FNDC1: variants seen among roughly 807,000 people sequenced by gnomAD.
FNDC1 encodes fibronectin type III domain containing 1.
Under a neutral mutation model 168.0 loss-of-function variants are expected in FNDC1, and 96 were observed. The ratio of observed to expected loss-of-function variants is 0.57; its 90% CI spans 0.48 to 0.68. FNDC1 has a LOEUF of 0.68. Among genes scored for constraint, FNDC1 ranks in the 30% least tolerant of loss-of-function variants. The pLI is 0.00. For synonymous variants in FNDC1, 1,099 were observed against 1,025.9 expected (o/e 1.07, Z -1.36); for missense variants, 2,587 against 2,482.1 (o/e 1.04, Z -0.90).
chr6:159,170,914 C>CT (rs1691962488), intron 1 of FNDC1, among the ~76,000 whole-genome samples: 1 of 152,182 alleles, frequency 6.6e-6, no homozygotes, highest in Non-Finnish European at 1.5e-5. Context: ...AGTCTTCCAA[C>CT]TTCCCCACCT....
At chr6:159,257,282 A>G (rs946525020) in intron 18 of FNDC1, among the ~76,000 whole-genome samples, 1 of 152,212 alleles carries the variant, frequency 6.6e-6, no homozygotes, top group African/African-American at 2.4e-5. Flanking sequence ...ATGGGAAAGC[A>G]CCAAGCACTT....
chr6:159,268,063 TAAATA>T (rs1583927341), intron 22 of FNDC1, 137 bp downstream of exon 22: 1 of 903,310 alleles, frequency 1.1e-6, no homozygotes, highest in South Asian at 1.6e-5. Flanking sequence ...GTCATAAAAA[TAAATA>T]AAATAAAGAA....
Position 159,169,766 on chromosome 6 carries a change from G to T in FNDC1, c.109+61G>T. On this transcript the variant is annotated intron_variant, in intron 1 of 22. Coordinates refer to ENST00000297267, the MANE Select transcript of FNDC1 (RefSeq NM_032532.3). This position sits in a 1 kb window ranked among gnomAD's most constrained non-coding sequence, Gnocchi z 6.8. The stretch of plus-strand genomic sequence containing the variant: ...CTCCCCGCGCACCCTCCTGCGCTCG[G>T]GCCCCGTCGTCCCGCTCAGTGCTGG... The T allele has an allele frequency of 1.5e-6, 1 of 658,426 alleles. No individual in the cohort carries two copies. Among genetic ancestry groups the T allele is most frequent in the Non-Finnish European group, 2.0e-6 (1 of 494,168 alleles). The allele number at this position is 658,426 out of a possible 1,614,324, so 40.8% of individuals were successfully genotyped here.
Position 159,266,066 on chromosome 6 carries a change from G to A in FNDC1, c.5285-18G>A, listed in dbSNP as rs529209136. The A allele has an allele frequency of 1.9e-5, 30 of 1,612,750 alleles. No individual in the cohort carries two copies. In the South Asian group the frequency reaches 3.1e-4, roughly 17 times the overall value. On this transcript the variant is annotated intron_variant, in intron 20 of 22. Coordinates refer to ENST00000297267, the MANE Select transcript of FNDC1 (RefSeq NM_032532.3). ...TGTGGAGTGCTTACCCTTAGCAGGT[G>A]TGTTTTGTGTTGTCAAGGCGGTGAG...
rs766589922 is a variant in FNDC1 at position 159,236,245 on chromosome 6, A to G, written c.3998A>G (p.Lys1333Arg). 41 of 1,613,612 alleles carry G rather than the reference A, an allele frequency of 2.5e-5. No individual in the cohort carries two copies. The highest frequency in any genetic ancestry group is 3.3e-5 in the Non-Finnish European group (39 of 1,179,710). ...GYNGRPNVEG[K>R]VLPGSNGKPN... is the part of the protein sequence containing the mutation. The stretch of plus-strand genomic sequence containing the variant: ...AATGGCAGACCAAATGTAGAAGGGA[A>G]AGTCCTTCCTGGTAGTAATGGAAAA... The change falls in exon 12 of 23, where the codon AAA becomes AGA. Residue 1333 changes from lysine to arginine, a missense_variant. Lys to Arg is a conservative substitution (Grantham distance 26). Coordinates refer to ENST00000297267, the MANE Select transcript of FNDC1 (RefSeq NM_032532.3).
chr6:159,184,348 A>AT (rs911117636), intron 1 of FNDC1, among the ~76,000 whole-genome samples: 7 of 152,080 alleles, frequency 4.6e-5, no homozygotes, highest in African/African-American at 1.4e-4. Context: ...TTCCTTAAAT[A>AT]TTTTTTTCTA....
At position 159,232,542 on chromosome 6, in the gene FNDC1, C is replaced by T. The variant is rs777678899; in HGVS notation, c.2030C>T (p.Pro677Leu). 4.3e-6 allele frequency: 7 copies of T among 1,612,360 alleles called. No homozygotes were observed. The South Asian group carries it at 5.5e-5, about 13-fold the overall frequency. ...GCCCTGTCCCCCAGCCGCCAGTCCCCGTCCAGCGTTCTCCGCGACAGAAGC... is the reference window on the plus strand; with the variant it reads ...GCCCTGTCCCCCAGCCGCCAGTCCCTGTCCAGCGTTCTCCGCGACAGAAGC... ...RPALSPSRQS[P>L]SSVLRDRSSV... The change falls in exon 11 of 23, where the codon CCG (proline) becomes CTG (leucine). Residue 677 changes from proline to leucine, a missense_variant. By Grantham distance (98) the Pro-to-Leu change is moderately conservative (BLOSUM62 -3). Transcript: ENST00000297267. This position sits in a 1 kb window ranked among gnomAD's most constrained non-coding sequence, Gnocchi z 4.9.
intron 5 of FNDC1, among the ~76,000 whole-genome samples, chr6:159,220,403 T>G (rs1004242959): frequency 6.6e-6 from 1 of 152,208 alleles, no homozygotes; most frequent in Non-Finnish European, 1.5e-5. Flanking sequence ...ATATTATAAC[T>G]ATTGGCACTA....
intron 14 of FNDC1, among the ~76,000 whole-genome samples, chr6:159,246,684 G>T (rs527718565): frequency 3.3e-5 from 5 of 152,330 alleles, no homozygotes; most frequent in African/African-American, 9.6e-5. Context: ...GCAGGCATTT[G>T]TATCGCCCTT....
At chr6:159,173,976 C>T (rs929347860) in intron 1 of FNDC1, among the ~76,000 whole-genome samples, 1 of 152,200 alleles carries the variant, frequency 6.6e-6, no homozygotes, top group Non-Finnish European at 1.5e-5. Context: ...GAGGCTCCAT[C>T]ACCCTTGGCT....
rs2114907893 is a variant in FNDC1 at position 159,169,801 on chromosome 6, G to T, written c.109+96G>T. 8.1e-6 allele frequency: 3 copies of T among 370,552 alleles called. No homozygotes were observed. Among genetic ancestry groups the T allele is most frequent in the Non-Finnish European group, 8.1e-6 (2 of 246,636 alleles). 23.0% of individuals were successfully genotyped at this position (370,552 alleles called of 1,614,324 possible). On this transcript the variant is annotated intron_variant, in intron 1 of 22. Coordinates refer to ENST00000297267, the MANE Select transcript of FNDC1 (RefSeq NM_032532.3). The surrounding 1 kb of genome is among the most constrained non-coding windows in gnomAD (Gnocchi z 6.8). Reference sequence around the variant, plus strand: ...TCCCGCTCAGTGCTGGCTACGGGTCGTGTCACTAGCCTGTGCGTCCTCGTC... The same window carrying T: ...TCCCGCTCAGTGCTGGCTACGGGTCTTGTCACTAGCCTGTGCGTCCTCGTC...
At chr6:159,254,558 A>T (rs983929086) in intron 17 of FNDC1, among the ~76,000 whole-genome samples, 3 of 152,048 alleles carry the variant, frequency 2.0e-5, no homozygotes, top group Admixed American at 6.6e-5. Context: ...ATACAAAAAA[A>T]TTAGCTGGGC....
At chr6:159,220,100 T>C (rs1328985207) in intron 5 of FNDC1, among the ~76,000 whole-genome samples, 4 of 152,250 alleles carry the variant, frequency 2.6e-5, no homozygotes, top group African/African-American at 7.2e-5. Flanking sequence ...TTTACTCATT[T>C]ATGGCTAGAG....
intron 5 of FNDC1, among the ~76,000 whole-genome samples, chr6:159,219,293 G>A (rs1270594918): frequency 6.6e-6 from 1 of 152,162 alleles, no homozygotes; most frequent in East Asian, 1.9e-4. Flanking sequence ...AACCCACCTT[G>A]GCCTCCCAAA....
intron 9 of FNDC1, 83 bp downstream of exon 9, chr6:159,226,663 G>A: frequency 1.9e-6 from 2 of 1,066,222 alleles, no homozygotes; most frequent in South Asian, 3.2e-5. Flanking sequence ...GACTGAAAAA[G>A]AAATAGGGAA....
intron 22 of FNDC1, among the ~76,000 whole-genome samples, chr6:159,269,478 CTATCTATCTATCTATCT>C (rs1562316012): frequency 6.9e-4 from 99 of 143,298 alleles, no homozygotes; most frequent in Non-Finnish European, 1.3e-3. Flanking sequence ...ATCTATCTAT[CTATCTATCTATCTATCT>C]ATCTATCCAT....
At chr6:159,183,482 G>A (rs1019665953) in intron 1 of FNDC1, among the ~76,000 whole-genome samples, 1 of 152,180 alleles carries the variant, frequency 6.6e-6, no homozygotes, top group Non-Finnish European at 1.5e-5. Context: ...GAGCTCAGAG[G>A]GGAAGCCAGG....
chr6:159,256,451 C>T, intron 17 of FNDC1, 72 bp from the exon 18 acceptor site: 1 of 1,134,124 alleles, frequency 8.8e-7, no homozygotes, highest in Non-Finnish European at 1.3e-6. Flanking sequence ...CACACCTGTC[C>T]TCAGTGGGTT....
At position 159,256,160 on chromosome 6, in the gene FNDC1, G is replaced by A. The variant is rs1292889348; in HGVS notation, c.5066-363G>A. ...AGGGCAATGGTGTACTATCTTACCC[G>A]GAAGTTCTTAAATACATGTGTGGAG... On this transcript the variant is annotated intron_variant, in intron 17 of 22. Transcript: ENST00000297267. Among the ~76,000 whole-genome samples the A allele has an allele frequency of 5.9e-5, 9 of 152,126 alleles. No individual in the cohort carries two copies. The South Asian group carries it at 8.3e-4, about 14-fold the overall frequency.
Sources: gnomAD v4.1 joint callset for allele counts (sites outside exome capture counted in the v4.1 genomes callset) on GRCh38, gnomAD v4.1.1 for gene constraint, Gnocchi (gnomAD v3.1) non-coding constraint, MANE v1.5 for transcripts, NCBI Gene and HGNC (gene_info 2026-07-23, HGNC 2026-07-21) for gene names.